EXOC3L2: variants seen among roughly 807,000 people sequenced by gnomAD.
EXOC3L2 encodes the protein exocyst complex component 3 like 2.
Under a neutral mutation model 44.4 loss-of-function variants are expected in EXOC3L2, and 17 were observed. The observed-to-expected ratio is 0.38, with a 90% CI of 0.26 to 0.57. The LOEUF (loss-of-function observed/expected upper bound fraction) is 0.57. Ranked by LOEUF, EXOC3L2 falls within the 20% of genes least tolerant of loss-of-function variation. The probability of loss-of-function intolerance (pLI) is 0.65; values close to 1 mark genes in which losing one functional copy is unlikely to be tolerated. For synonymous variants in EXOC3L2, 256 were observed against 253.7 expected (o/e 1.01, Z -0.09); for missense variants, 541 against 588.4 (o/e 0.92, Z 0.83).
intron 5 of EXOC3L2, 28 bp from the exon 6 acceptor site, chr19:45,228,102 G>A (rs999731758): frequency 1.2e-6 from 2 of 1,613,914 alleles, no homozygotes; most frequent in Non-Finnish European, 1.7e-6. Context: ...ACAAGAAGAG[G>A]TGAGGAGGGG....
chr19:45,217,594 G>A lies in EXOC3L2; in HGVS notation c.1932C>T (p.Thr644=), dbSNP rs768964166. The change falls in exon 10 of 12, where the codon ACC becomes ACT. Residue 644 remains threonine (T), a synonymous_variant. Coordinates refer to ENST00000413988, the MANE Select transcript of EXOC3L2 (RefSeq NM_001382422.1). ...GGAGCCTGCCGGCCACGCGGCTGCG[G>A]GTCCGCGCCGAGCTGCAGCGCAGGC... ...RGRLRCSSAR[T]RSRVAGRLRE... 18 of 1,531,282 alleles carry A rather than the reference G, an allele frequency of 1.2e-5. No individual in the cohort carries two copies. Among genetic ancestry groups the A allele is most frequent in the South Asian group, 2.4e-5 (2 of 83,202 alleles). 94.9% of individuals were successfully genotyped at this position (1,531,282 alleles called of 1,614,324 possible).
intron 1 of EXOC3L2, among the ~76,000 whole-genome samples, chr19:45,243,704 A>G (rs1257604634): frequency 1.3e-5 from 2 of 152,126 alleles, no homozygotes; most frequent in Non-Finnish European, 2.9e-5. Context: ...ATTTCAGCTC[A>G]CTGCACCTCC....
Position 45,212,743 on chromosome 19 carries a change from C to T in EXOC3L2, c.*326G>A, listed in dbSNP as rs952204099. On this transcript the variant is annotated 3_prime_UTR_variant, in exon 12 of 12. Coordinates refer to ENST00000413988, the MANE Select transcript of EXOC3L2 (RefSeq NM_001382422.1). ...ACCAGTAGCTGGGACTACAGGCACA[C>T]ACCACCGTGCCCAGCTAATTTTTTA... 2.2e-5 allele frequency: 5 copies of T among 229,850 alleles called. No individual in the cohort carries two copies. The highest frequency in any genetic ancestry group is 4.1e-5 in the Non-Finnish European group (5 of 120,622). The allele number at this position is 229,850 out of a possible 1,614,324, so 14.2% of individuals were successfully genotyped here.
chr19:45,244,305 T>C (rs1599770273), intron 1 of EXOC3L2, among the ~76,000 whole-genome samples: 1 of 150,464 alleles, frequency 6.6e-6, no homozygotes, highest in Non-Finnish European at 1.5e-5. Flanking sequence ...CCCATAACTG[T>C]CTCCATCTTC....
intron 8 of EXOC3L2, among the ~76,000 whole-genome samples, chr19:45,220,175 AAAAT>A (rs1180588871): frequency 2.0e-5 from 3 of 152,024 alleles, no homozygotes; most frequent in Admixed American, 1.3e-4. Context: ...CTCTGTCTCA[AAAAT>A]AAATAAATAA....
intron 9 of EXOC3L2, 147 bp from the exon 10 acceptor site, chr19:45,217,830 C>A: frequency 1.0e-6 from 1 of 1,000,652 alleles, no homozygotes; most frequent in South Asian, 2.0e-5. Context: ...CCCCAGTCCC[C>A]AGCCCCTGAG....
At chr19:45,218,626 C>T (rs1049692252) in intron 8 of EXOC3L2, among the ~76,000 whole-genome samples, 1 of 152,016 alleles carries the variant, frequency 6.6e-6, no homozygotes, top group Non-Finnish European at 1.5e-5. Context: ...GAGGAGGGGA[C>T]ACCGGAACTG....
intron 3 of EXOC3L2, among the ~76,000 whole-genome samples, chr19:45,233,910 G>T (rs1970055424): frequency 6.6e-6 from 1 of 152,198 alleles, no homozygotes; most frequent in Non-Finnish European, 1.5e-5. Context: ...TAGAGTGTAA[G>T]TGTTGACAGA....
At chr19:45,235,194 G>C (rs1970071457) in intron 2 of EXOC3L2, among the ~76,000 whole-genome samples, 1 of 152,034 alleles carries the variant, frequency 6.6e-6, no homozygotes, top group African/African-American at 2.4e-5. Flanking sequence ...CCAGCTACTC[G>C]AGAGGCAGGA....
intron 11 of EXOC3L2, 82 bp downstream of exon 11, chr19:45,215,991 A>T: frequency 6.4e-7 from 1 of 1,566,166 alleles, no homozygotes. Context: ...CTCAGGAGGC[A>T]GGAAGCACAG....
intron 8 of EXOC3L2, among the ~76,000 whole-genome samples, chr19:45,222,390 G>A (rs1024991128): frequency 8.6e-5 from 13 of 151,892 alleles, no homozygotes; most frequent in Admixed American, 2.6e-4. Context: ...TAGTAGAGAC[G>A]GGGTTTCACC....
chr19:45,225,001 G>A (rs1969941814), intron 7 of EXOC3L2, 88 bp from the exon 8 acceptor site: 2 of 1,373,516 alleles, frequency 1.5e-6, no homozygotes, highest in South Asian at 1.9e-5. Flanking sequence ...AGATCAGAGG[G>A]GCACAGGGGT....
Position 45,234,523 on chromosome 19 carries a change from C to T in EXOC3L2, c.827G>A (p.Arg276His), listed in dbSNP as rs1269382581. Reference sequence around the variant, plus strand: ...TTTGCGGGCCGCCCCGGGACCCCGACGCCCGTCGGCCGCCTCCTCCTGTAC... The same window carrying T: ...TTTGCGGGCCGCCCCGGGACCCCGATGCCCGTCGGCCGCCTCCTCCTGTAC... ...VLVQEEAADGRRGPGAARKLR... is the reference protein window; with the variant it reads ...VLVQEEAADGHRGPGAARKLR... Residue 276 changes from arginine to histidine, a missense_variant, in exon 3 of 12, where the codon CGT becomes CAT. Coordinates refer to ENST00000413988, the MANE Select transcript of EXOC3L2 (RefSeq NM_001382422.1). This position sits in a 1 kb window ranked among gnomAD's most constrained non-coding sequence, Gnocchi z 5.0. The T allele has an allele frequency of 1.2e-5, 3 of 248,806 alleles. No homozygotes were observed. In the Admixed American group the frequency reaches 1.7e-4, roughly 14 times the overall value. The allele number at this position is 248,806 out of a possible 1,614,324, so 15.4% of individuals were successfully genotyped here.
In EXOC3L2 at chr19:45,234,980, G is replaced by A. The variant is rs1970069604; in HGVS notation, c.524-154C>T. ...GGGGCAGAGAAGAGCCCGGAGAAGAGCAAGAAAGAAGGATGTTGAGTGAAG... is the reference window on the plus strand; with the variant it reads ...GGGGCAGAGAAGAGCCCGGAGAAGAACAAGAAAGAAGGATGTTGAGTGAAG... On this transcript the variant is annotated intron_variant, in intron 2 of 11. Coordinates refer to ENST00000413988, the MANE Select transcript of EXOC3L2 (RefSeq NM_001382422.1). The surrounding 1 kb of genome is among the most constrained non-coding windows in gnomAD (Gnocchi z 5.0). 6.6e-6 allele frequency among the ~76,000 whole-genome samples: 1 copy of A among 152,104 alleles called. No individual in the cohort carries two copies. Among genetic ancestry groups the A allele is most frequent in the South Asian group, 2.1e-4 (1 of 4,822 alleles).
In EXOC3L2 at chr19:45,212,788, G is replaced by A; in HGVS notation, c.*281C>T. The stretch of plus-strand genomic sequence containing the variant: ...TTTTTATTTTTTGTAGAGATAGGGG[G>A]CAGGTCTCACTATGTTGCCCAGGCT... On this transcript the variant is annotated 3_prime_UTR_variant, in exon 12 of 12. Transcript: ENST00000413988. 2.8e-6 allele frequency: 1 copy of A among 357,818 alleles called. No homozygotes were observed. The highest frequency in any genetic ancestry group is 4.9e-6 in the Non-Finnish European group (1 of 202,148). 22.2% of individuals were successfully genotyped at this position (357,818 alleles called of 1,614,324 possible).
chr19:45,214,330 G>C (rs1020184087), intron 11 of EXOC3L2, among the ~76,000 whole-genome samples: 1 of 152,126 alleles, frequency 6.6e-6, no homozygotes, highest in Non-Finnish European at 1.5e-5. Flanking sequence ...GTATGTCTGA[G>C]AATGTGTCTG....
Position 45,227,750 on chromosome 19 carries a change from A to G in EXOC3L2, c.1495T>C (p.Phe499Leu). Reference protein sequence around the residue: ...LQSFQQRVERFHENPAVREML... With the variant: ...LQSFQQRVERLHENPAVREML... ...TCCCGGACTGCTGGGTTCTCATGGA[A>G]TCGCTCCACACGCTGCTGGAAGCTG... The change falls in exon 7 of 12, where the codon TTC (phenylalanine) becomes CTC (leucine). Residue 499 changes from phenylalanine (F) to leucine (L), a missense_variant. Phe to Leu is a conservative substitution (Grantham distance 22). Transcript: ENST00000413988. 1 of 1,612,668 alleles carries G rather than the reference A, an allele frequency of 6.2e-7. No individual in the cohort carries two copies. The highest frequency in any genetic ancestry group is 1.1e-5 in the South Asian group (1 of 90,432).
intron 1 of EXOC3L2, among the ~76,000 whole-genome samples, chr19:45,243,870 C>T (rs182318839): frequency 1.3e-5 from 2 of 151,998 alleles, no homozygotes; most frequent in East Asian, 1.9e-4. Context: ...CCTTGTGATC[C>T]GCCTGTTTCA....
chr19:45,233,089 G>A (rs747160096), intron 3 of EXOC3L2, among the ~76,000 whole-genome samples: 1 of 152,078 alleles, frequency 6.6e-6, no homozygotes, highest in South Asian at 2.1e-4. Context: ...GATGGTGGGC[G>A]CCTGTAATCC....
Sources: allele counts gnomAD v4.1 joint callset (sites outside exome capture counted in the v4.1 genomes callset), GRCh38; gene constraint gnomAD v4.1.1; non-coding constraint Gnocchi (gnomAD v3.1); transcripts MANE v1.5; gene names NCBI Gene and HGNC (gene_info 2026-07-23, HGNC 2026-07-21).